FRYL: variants seen among roughly 807,000 people sequenced by gnomAD.
FRYL encodes the protein FRY like transcription coactivator, also known as protein furry homolog-like.
Under a neutral mutation model 351.2 loss-of-function variants are expected in FRYL, and 150 were observed. That is an observed-to-expected ratio of 0.43 (90% CI 0.37 to 0.49). The LOEUF (loss-of-function observed/expected upper bound fraction) is 0.49, where lower values mean the gene tolerates loss of function less well. Among genes scored for constraint, FRYL ranks in the 20% least tolerant of loss-of-function variants. FRYL has a pLI of 0.00. For synonymous variants in FRYL, 1,153 were observed against 1,257.1 expected (o/e 0.92, Z 1.75); for missense variants, 3,036 against 3,619.3 (o/e 0.84, Z 4.13).
intron 3 of FRYL, chr4:48,636,742 T>C (rs1323931954): frequency 6.6e-6 from 1 of 152,064 alleles, no homozygotes; most frequent in African/African-American, 2.4e-5. Flanking sequence ...AAAAAACCTT[T>C]TTGATTAAAT....
intron 3 of FRYL, among the ~76,000 whole-genome samples, chr4:48,645,124 T>TATATATATA (rs1756133820): frequency 3.8e-5 from 4 of 105,446 alleles, no homozygotes; most frequent in Non-Finnish European, 8.3e-5. Context: ...AGCTTTCATT[T>TATATATATA]TATATATATA....
Position 48,740,443 on chromosome 4 carries a change from C to T in FRYL, c.-383-29745G>A, listed in dbSNP as rs554947698. 3.7e-3 allele frequency among the ~76,000 whole-genome samples: 562 copies of T among 151,990 alleles called. 1 individual carries two copies. Among genetic ancestry groups the T allele is most frequent in the Non-Finnish European group, 5.9e-3 (401 of 67,950 alleles). ...CTGAGTAGTTGGGACTACAGGTGCG[C>T]ACCACCATGCCTGACTAATTTTTGT... On this transcript the variant is annotated intron_variant, in intron 1 of 63. Coordinates refer to ENST00000358350, the MANE Select transcript of FRYL (RefSeq NM_015030.2).
intron 7 of FRYL, among the ~76,000 whole-genome samples, chr4:48,615,525 G>A (rs755728980): frequency 6.6e-6 from 1 of 152,190 alleles, no homozygotes; most frequent in Non-Finnish European, 1.5e-5. Context: ...CTTTATAAAT[G>A]TGATATTGCT....
chr4:48,599,173 T>C (rs1221168495), intron 13 of FRYL, among the ~76,000 whole-genome samples: 1 of 152,236 alleles, frequency 6.6e-6, no homozygotes, highest in African/African-American at 2.4e-5. Flanking sequence ...TTTAAATGAA[T>C]GTAAGTATAG....
chr4:48,595,209 T>C (rs1744355583), intron 15 of FRYL, among the ~76,000 whole-genome samples: 1 of 152,236 alleles, frequency 6.6e-6, no homozygotes, highest in South Asian at 2.1e-4. Context: ...TCAGCCCTAC[T>C]ATAAATTCTC....
In FRYL at chr4:48,567,764, T is replaced by G. The variant is rs1237377643; in HGVS notation, c.2997-344A>C. Among the ~76,000 whole-genome samples, 1 of 152,200 alleles carries G rather than the reference T, an allele frequency of 6.6e-6. No individual in the cohort carries two copies. The highest frequency in any genetic ancestry group is 1.5e-5 in the Non-Finnish European group (1 of 68,024). The stretch of plus-strand genomic sequence containing the variant: ...AATGGGGAGGATCAGTTTAGAAAAG[T>G]AGAAAGAGGAAAGACTAGTTCTATT... On this transcript the variant is annotated intron_variant, in intron 27 of 63. Coordinates refer to ENST00000358350, the MANE Select transcript of FRYL (RefSeq NM_015030.2). The surrounding 1 kb of genome is among the most constrained non-coding windows in gnomAD (Gnocchi z 4.2).
Position 48,499,263 on chromosome 4 carries a change from T to C in FRYL, c.*159A>G. On this transcript the variant is annotated 3_prime_UTR_variant, in exon 64 of 64. Coordinates refer to ENST00000358350, the MANE Select transcript of FRYL (RefSeq NM_015030.2). ...GTTAAAATATCAGATGTTTTTTTCT[T>C]TCAGATCTTTGTTTTTGATGATACA... 1.6e-6 allele frequency: 1 copy of C among 635,712 alleles called. No individual in the cohort carries two copies. The highest frequency in any genetic ancestry group is 3.0e-5 in the Admixed American group (1 of 33,270). The allele number at this position is 635,712 out of a possible 1,614,324, so 39.4% of individuals were successfully genotyped here. A position where few individuals can be genotyped will look rare whatever the true frequency, so the allele number is the denominator to read the frequency against.
chr4:48,754,099 T>C (rs919143137), intron 1 of FRYL, among the ~76,000 whole-genome samples: 3 of 152,208 alleles, frequency 2.0e-5, no homozygotes, highest in African/African-American at 7.2e-5. Context: ...ATGCATTATA[T>C]TTTACAACCA....
intron 2 of FRYL, among the ~76,000 whole-genome samples, chr4:48,699,798 G>A (rs1766549261): frequency 6.6e-6 from 1 of 151,784 alleles, no homozygotes; most frequent in South Asian, 2.1e-4. Context: ...CCCTGGATCA[G>A]TTTACTGGTG....
chr4:48,658,713 C>CA (rs993372110), intron 3 of FRYL, among the ~76,000 whole-genome samples: 23 of 151,270 alleles, frequency 1.5e-4, no homozygotes, highest in Admixed American at 1.3e-3. Context: ...ATGAATGCGC[C>CA]ACTGCACTCC....
At chr4:48,716,346 A>G (rs1174252404) in intron 1 of FRYL, among the ~76,000 whole-genome samples, 5 of 151,454 alleles carry the variant, frequency 3.3e-5, no homozygotes, top group Non-Finnish European at 7.4e-5. Context: ...GCAACCCACA[A>G]AATGGGAGAA....
intron 19 of FRYL, among the ~76,000 whole-genome samples, chr4:48,585,317 C>T (rs558967037): frequency 6.6e-6 from 1 of 152,278 alleles, no homozygotes; most frequent in Admixed American, 6.5e-5. Flanking sequence ...CTTTCTTTCA[C>T]AATCATCACA....
At chr4:48,618,353 T>C (rs2149314133) in intron 7 of FRYL, 1 of 152,346 alleles carries the variant, frequency 6.6e-6, no homozygotes, top group Admixed American at 6.5e-5. Flanking sequence ...ATAATTCAAG[T>C]ACTTTTATAC....
chr4:48,676,236 A>T (rs1578680868), intron 3 of FRYL, among the ~76,000 whole-genome samples: 1 of 152,082 alleles, frequency 6.6e-6, no homozygotes, highest in East Asian at 1.9e-4. Context: ...CTTTGCAATA[A>T]ATCTTGCTAC....
chr4:48,679,658 T>C (rs1458846452), intron 3 of FRYL, among the ~76,000 whole-genome samples: 1 of 138,506 alleles, frequency 7.2e-6, no homozygotes, highest in African/African-American at 2.7e-5. Flanking sequence ...AATATACAGT[T>C]TCAAACAGCT....
At chr4:48,720,691 T>C (rs1372102338) in intron 1 of FRYL, among the ~76,000 whole-genome samples, 3 of 152,140 alleles carry the variant, frequency 2.0e-5, no homozygotes, top group African/African-American at 4.8e-5. Flanking sequence ...CTATTTTCTG[T>C]CTCTATGGGC....
intron 33 of FRYL, among the ~76,000 whole-genome samples, chr4:48,561,072 C>T (rs975970204): frequency 7.2e-5 from 11 of 152,188 alleles, no homozygotes; most frequent in African/African-American, 7.2e-5. Context: ...GTTTCGCTCA[C>T]GGAAAACTGC....
rs1194981923 is a variant in FRYL, at chr4:48,634,470, C to G, written c.-60G>C. ...TTGGAAGAAGCACAGTATTTATTTA[C>G]TTTGCTGACTGGCGCTGAAGCTAAA... On this transcript the variant is annotated 5_prime_UTR_variant, in exon 4 of 64. Transcript: ENST00000358350. 1 of 1,610,120 alleles carries G rather than the reference C, an allele frequency of 6.2e-7. No homozygotes were observed. Among genetic ancestry groups the G allele is most frequent in the East Asian group, 2.2e-5 (1 of 44,686 alleles).
rs1172243260 is a variant in FRYL, at chr4:48,497,917, ACCC to A, written c.*1502_*1504del. The A allele has an allele frequency of 6.6e-6, 1 of 152,414 alleles. No individual in the cohort carries two copies. The highest frequency in any genetic ancestry group is 1.5e-5 in the Non-Finnish European group (1 of 67,972). The allele number at this position is 152,414 out of a possible 1,614,324, so 9.4% of individuals were successfully genotyped here. A position where few individuals can be genotyped will look rare whatever the true frequency, so the allele number is the denominator to read the frequency against. On this transcript the variant is annotated 3_prime_UTR_variant, in exon 64 of 64. Transcript: ENST00000358350. ...TAATTACATTTCTGGCAGGGTCCAC[ACCC>A]CCCAAGAAAAGGTAAAGCTAAGCAT...
Sources: gnomAD v4.1 joint callset for allele counts (sites outside exome capture counted in the v4.1 genomes callset) on GRCh38, gnomAD v4.1.1 for gene constraint, Gnocchi (gnomAD v3.1) non-coding constraint, MANE v1.5 for transcripts, NCBI Gene and HGNC (gene_info 2026-07-23, HGNC 2026-07-21) for gene names.